The following MALRD1 variants were observed in gnomAD, a reference collection of about 807,000 sequenced individuals.
MALRD1 encodes MAM and LDL receptor class A domain containing 1.
In MALRD1, 247 loss-of-function variants were observed where a neutral mutation model predicts 242.1. The ratio of observed to expected loss-of-function variants is 1.02; its 90% CI spans 0.92 to 1.13. The LOEUF is 1.13. MALRD1 is among the 50% of genes most tolerant of loss of function. The pLI is 0.00. For synonymous variants in MALRD1, 995 were observed against 866.6 expected (o/e 1.15, Z -2.60); for missense variants, 2,989 against 2,533.1 (o/e 1.18, Z -3.86).
At chr10:19,673,032 G>A (rs528272214) in intron 36 of MALRD1, among the ~76,000 whole-genome samples, 1 of 152,146 alleles carries the variant, frequency 6.6e-6, no homozygotes, top group South Asian at 2.1e-4. Flanking sequence ...TAGGACATTC[G>A]ATTTTCTGCT....
At chr10:19,215,227 C>T (rs1837255903) in intron 18 of MALRD1, among the ~76,000 whole-genome samples, 1 of 152,122 alleles carries the variant, frequency 6.6e-6, no homozygotes, top group South Asian at 2.1e-4. Flanking sequence ...CCATTGAGAG[C>T]TCTCCTCTTG....
At chr10:19,393,200 A>G (rs1295870956) in intron 28 of MALRD1, among the ~76,000 whole-genome samples, 1 of 152,052 alleles carries the variant, frequency 6.6e-6, no homozygotes, top group African/African-American at 2.4e-5. Context: ...TCATTTTTAA[A>G]ATGGCATCCT....
intron 29 of MALRD1, among the ~76,000 whole-genome samples, chr10:19,454,195 A>G (rs1835494151): frequency 6.6e-6 from 1 of 152,006 alleles, no homozygotes; most frequent in Non-Finnish European, 1.5e-5. Context: ...AACATATGCA[A>G]CAAAATTAAA....
chr10:19,648,507 T>C (rs1840739853), intron 36 of MALRD1, among the ~76,000 whole-genome samples: 1 of 152,130 alleles, frequency 6.6e-6, no homozygotes, highest in Non-Finnish European at 1.5e-5. Flanking sequence ...TTCACAAGTT[T>C]CAAGATAATC....
At chr10:19,298,391 T>C (rs766272014) in intron 21 of MALRD1, among the ~76,000 whole-genome samples, 1 of 151,700 alleles carries the variant, frequency 6.6e-6, no homozygotes, top group Non-Finnish European at 1.5e-5. Context: ...TTCAACATGA[T>C]ATTTGGTTGG....
rs377420386 is a variant in MALRD1, at chr10:19,146,236, G to T, written c.1450G>T (p.Gly484Cys). 4.9e-6 allele frequency: 6 copies of T among 1,231,614 alleles called. No homozygotes were observed. The highest frequency in any genetic ancestry group is 6.1e-6 in the Non-Finnish European group (6 of 987,940). The allele number at this position is 1,231,614 out of a possible 1,614,324, so 76.3% of individuals were successfully genotyped here. A position where few individuals can be genotyped will look rare whatever the true frequency, so the allele number is the denominator to read the frequency against. The change falls in exon 11 of 40, where the codon GGT becomes TGT. Residue 484 changes from glycine to cysteine, a missense_variant. Gly to Cys is a radical substitution (Grantham distance 159). Transcript: ENST00000454679. ...CTGTGACTTTGAGTCGGGTTTCTGCGGTTGGGAGCCATTTCTCACAGAAGA... is the reference window on the plus strand; with the variant it reads ...CTGTGACTTTGAGTCGGGTTTCTGCTGTTGGGAGCCATTTCTCACAGAAGA... ...LTCDFESGFCGWEPFLTEDSH... is the reference protein window; with the variant it reads ...LTCDFESGFCCWEPFLTEDSH...
intron 29 of MALRD1, among the ~76,000 whole-genome samples, chr10:19,463,913 C>T (rs369404365): frequency 6.6e-6 from 1 of 152,116 alleles, no homozygotes; most frequent in Admixed American, 6.5e-5. Flanking sequence ...GCCATTCTTG[C>T]AGTAGTAAGG....
At chr10:19,528,337 G>A (rs960318330) in intron 31 of MALRD1, among the ~76,000 whole-genome samples, 1 of 152,198 alleles carries the variant, frequency 6.6e-6, no homozygotes. Flanking sequence ...ACTCAAGCCT[G>A]TAATCCCAGC....
At chr10:19,425,476 C>T (rs1318921723) in intron 28 of MALRD1, among the ~76,000 whole-genome samples, 1 of 151,708 alleles carries the variant, frequency 6.6e-6, no homozygotes, top group Non-Finnish European at 1.5e-5. Flanking sequence ...GGATCCATAC[C>T]CACACATCTG....
At chr10:19,316,866 G>A (rs1257520527) in intron 21 of MALRD1, among the ~76,000 whole-genome samples, 2 of 151,590 alleles carry the variant, frequency 1.3e-5, no homozygotes, top group East Asian at 3.9e-4. Context: ...TAGCACACTG[G>A]GAGACTATAG....
chr10:19,125,136 G>A (rs1837212626), intron 7 of MALRD1, among the ~76,000 whole-genome samples: 1 of 151,306 alleles, frequency 6.6e-6, no homozygotes, highest in South Asian at 2.1e-4. Context: ...AGTGGAGACA[G>A]GAATTCACCA....
chr10:19,397,196 C>T, intron 28 of MALRD1, among the ~76,000 whole-genome samples: 1 of 152,012 alleles, frequency 6.6e-6, no homozygotes, highest in East Asian at 1.9e-4. Flanking sequence ...GGACTTATTC[C>T]TACTAACTGT....
chr10:19,331,723 C>T (rs1054090425), intron 24 of MALRD1, 141 bp downstream of exon 24: 7 of 651,940 alleles, frequency 1.1e-5, no homozygotes, highest in Non-Finnish European at 1.8e-5. Flanking sequence ...TGACACATTC[C>T]CTCCTTTCTC....
At chr10:19,516,606 A>C (rs190158996) in intron 31 of MALRD1, among the ~76,000 whole-genome samples, 4 of 151,834 alleles carry the variant, frequency 2.6e-5, no homozygotes, top group Admixed American at 6.6e-5. Context: ...TCAATTTTCA[A>C]ATATCTTCTC....
intron 2 of MALRD1, among the ~76,000 whole-genome samples, chr10:19,085,953 T>C (rs1341476286): frequency 2.0e-5 from 3 of 152,078 alleles, no homozygotes; most frequent in Non-Finnish European, 4.4e-5. Flanking sequence ...TAAAATAATA[T>C]ATGCATATGG....
At chr10:19,334,037 A>G (rs1843499762) in intron 24 of MALRD1, among the ~76,000 whole-genome samples, 1 of 151,498 alleles carries the variant, frequency 6.6e-6, no homozygotes, top group Non-Finnish European at 1.5e-5. Context: ...TGGATTCAGG[A>G]AAGTAGACCT....
intron 2 of MALRD1, among the ~76,000 whole-genome samples, chr10:19,073,329 T>C (rs1217449154): frequency 1.3e-5 from 2 of 152,136 alleles, no homozygotes; most frequent in Admixed American, 1.3e-4. Flanking sequence ...TGATTATTAT[T>C]GTTAATTTTA....
chr10:19,060,321 G>A (rs1317760156), intron 1 of MALRD1, among the ~76,000 whole-genome samples: 1 of 152,214 alleles, frequency 6.6e-6, no homozygotes, highest in African/African-American at 2.4e-5. Context: ...CAACTTGTCT[G>A]CAGGTTTGAG....
intron 36 of MALRD1, among the ~76,000 whole-genome samples, chr10:19,627,552 A>G (rs904781803): frequency 4.6e-5 from 7 of 152,080 alleles, no homozygotes; most frequent in Admixed American, 3.3e-4. Flanking sequence ...CCTGGCCAAC[A>G]TGATGAAACC....
Sources: allele counts gnomAD v4.1 joint callset (sites outside exome capture counted in the v4.1 genomes callset), GRCh38; gene constraint gnomAD v4.1.1; transcripts MANE v1.5; gene names NCBI Gene and HGNC (gene_info 2026-07-23, HGNC 2026-07-21).